CNTLN: variants seen among roughly 807,000 people sequenced by gnomAD.
CNTLN encodes the protein centlein, also known as centlein, centrosomal protein.
Under a neutral mutation model 180.0 loss-of-function variants are expected in CNTLN, and 212 were observed. That is an observed-to-expected ratio of 1.18 (90% confidence interval 1.05 to 1.32). The LOEUF (loss-of-function observed/expected upper bound fraction) is 1.32. Ranked by LOEUF, CNTLN falls within the 40% of genes most tolerant of loss-of-function variation. The probability of loss-of-function intolerance (pLI) is 0.00; values close to 1 mark genes in which losing one functional copy is unlikely to be tolerated. For missense variants in CNTLN, 2,095 were observed against 1,610.9 expected (o/e 1.30, Z -5.14); for synonymous variants, 722 against 563.1 (o/e 1.28, Z -3.99).
chr9:17,403,692 A>G (rs1456763355), intron 15 of CNTLN, among the ~76,000 whole-genome samples: 3 of 151,672 alleles, frequency 2.0e-5, no homozygotes, highest in Admixed American at 6.6e-5. Context: ...CACTTGCTCA[A>G]TCTTGATCTC....
intron 22 of CNTLN, 32 bp downstream of exon 22, chr9:17,466,150 A>G: frequency 6.4e-7 from 1 of 1,559,166 alleles, no homozygotes; most frequent in Non-Finnish European, 8.8e-7. Flanking sequence ...TTTAGATTAC[A>G]GATGGAATAT....
At chr9:17,303,362 G>A (rs1041241150) in intron 7 of CNTLN, among the ~76,000 whole-genome samples, 3 of 152,140 alleles carry the variant, frequency 2.0e-5, no homozygotes, top group African/African-American at 7.2e-5. Context: ...TAAGTTAAAT[G>A]TTATTCAGAA....
At chr9:17,312,364 T>TATATATATTA (rs369729227) in intron 8 of CNTLN, among the ~76,000 whole-genome samples, 3 of 20,186 alleles carry the variant, frequency 1.5e-4, no homozygotes, top group East Asian at 1.4e-3. Flanking sequence ...TATATATATA[T>TATATATATTA]TATATATATA....
chr9:17,381,161 A>C (rs927782496), intron 13 of CNTLN, among the ~76,000 whole-genome samples: 6 of 152,244 alleles, frequency 3.9e-5, no homozygotes, highest in Non-Finnish European at 5.9e-5. Flanking sequence ...AGCAACAGGC[A>C]TGACAGCCAA....
At chr9:17,291,421 T>C (rs1044210408) in intron 6 of CNTLN, among the ~76,000 whole-genome samples, 1 of 152,176 alleles carries the variant, frequency 6.6e-6, no homozygotes, top group Non-Finnish European at 1.5e-5. Context: ...AGTCTCCCAC[T>C]ATTATTGTGT....
At chr9:17,203,946 C>A (rs1177284068) in intron 2 of CNTLN, among the ~76,000 whole-genome samples, 2 of 152,190 alleles carry the variant, frequency 1.3e-5, no homozygotes, top group African/African-American at 4.8e-5. Context: ...TCCACCTGAT[C>A]GATTTGGCTA....
At chr9:17,181,336 G>C (rs1821113481) in intron 2 of CNTLN, among the ~76,000 whole-genome samples, 1 of 152,168 alleles carries the variant, frequency 6.6e-6, no homozygotes, top group Admixed American at 6.5e-5. Context: ...GTTGGGTTTT[G>C]TACTTTTCAG....
chr9:17,279,945 T>C (rs80304922), intron 6 of CNTLN, among the ~76,000 whole-genome samples: 2,813 of 152,256 alleles, frequency 0.018, 89 homozygotes, highest in African/African-American at 0.064. Context: ...AAGAGAGACC[T>C]GAGCTAGTAT....
At chr9:17,461,988 A>G (rs1177220917) in intron 19 of CNTLN, among the ~76,000 whole-genome samples, 1 of 151,832 alleles carries the variant, frequency 6.6e-6, no homozygotes, top group African/African-American at 2.4e-5. Flanking sequence ...TTTGCTTTGA[A>G]AAACTAATAA....
intron 2 of CNTLN, among the ~76,000 whole-genome samples, chr9:17,155,435 C>T (rs1175822392): frequency 6.6e-6 from 1 of 152,200 alleles, no homozygotes; most frequent in Non-Finnish European, 1.5e-5. Flanking sequence ...CTGACTGGGG[C>T]TGCTGCCTTT....
At position 17,298,358 on chromosome 9, in the gene CNTLN, C is replaced by G. The variant is rs1467457402; in HGVS notation, c.1146+6C>G. The G allele has an allele frequency of 1.2e-6, 2 of 1,604,000 alleles. No homozygotes were observed. Among genetic ancestry groups the G allele is most frequent in the Admixed American group, 1.7e-5 (1 of 57,786 alleles). The stretch of plus-strand genomic sequence containing the variant: ...AAAGTATATCATATCAAAAAGTATG[C>G]TTTTATTCTGTAATAAAGATGTAAA... On this transcript the variant is annotated splice_donor_region_variant and intron_variant, in intron 7 of 25. Transcript: ENST00000380647.
intron 5 of CNTLN, among the ~76,000 whole-genome samples, chr9:17,245,215 G>A (rs555135976): frequency 1.3e-5 from 2 of 151,624 alleles, no homozygotes; most frequent in South Asian, 4.1e-4. Context: ...ATTTTTTTTA[G>A]CGTTCCTTGT....
At chr9:17,372,899 C>T (rs1824447100) in intron 13 of CNTLN, among the ~76,000 whole-genome samples, 1 of 152,108 alleles carries the variant, frequency 6.6e-6, no homozygotes, top group Non-Finnish European at 1.5e-5. Context: ...TTACTTAGTC[C>T]TGAAAAAGCA....
chr9:17,336,676 A>T (rs1479965778), intron 10 of CNTLN, among the ~76,000 whole-genome samples: 1 of 152,240 alleles, frequency 6.6e-6, no homozygotes, highest in African/African-American at 2.4e-5. Flanking sequence ...TAAGCAAGTA[A>T]AATTAAAGCA....
chr9:17,153,094 G>C (rs1042745540), intron 2 of CNTLN, among the ~76,000 whole-genome samples: 1 of 152,126 alleles, frequency 6.6e-6, no homozygotes, highest in Admixed American at 6.5e-5. Context: ...ACACTGATGG[G>C]TCTTGACTCT....
intron 13 of CNTLN, among the ~76,000 whole-genome samples, chr9:17,382,372 C>T (rs1339936225): frequency 1.8e-4 from 28 of 152,136 alleles, no homozygotes; most frequent in Admixed American, 6.5e-5. Context: ...ATCACCAAAA[C>T]AATCAAGCCT....
In CNTLN at chr9:17,310,290, A is replaced by G. The variant is rs575607130; in HGVS notation, c.1341+1038A>G. Among the ~76,000 whole-genome samples the G allele has an allele frequency of 7.2e-5, 11 of 152,238 alleles. No individual in the cohort carries two copies. The South Asian group carries it at 2.1e-3, about 29-fold the overall frequency. On this transcript the variant is annotated intron_variant, in intron 8 of 25. Transcript: ENST00000380647. ...TTTTATCATATACAAATTTATGAGG[A>G]AACAGTTTATTGTTTAGTCATTCAA...
intron 12 of CNTLN, among the ~76,000 whole-genome samples, chr9:17,354,497 C>G (rs1239731181): frequency 2.0e-5 from 3 of 152,268 alleles, no homozygotes; most frequent in African/African-American, 4.8e-5. Context: ...TTTGTAAACA[C>G]ACCACTCAGC....
intron 13 of CNTLN, among the ~76,000 whole-genome samples, chr9:17,379,163 A>T (rs1023778): frequency 4.0e-5 from 6 of 151,674 alleles, no homozygotes; most frequent in Admixed American, 2.6e-4. Flanking sequence ...AGCGTGCCCC[A>T]CTTTTTTCCC....
Sources: gnomAD v4.1 joint callset for allele counts (sites outside exome capture counted in the v4.1 genomes callset) on GRCh38, gnomAD v4.1.1 for gene constraint, MANE v1.5 for transcripts, NCBI Gene and HGNC (gene_info 2026-07-23, HGNC 2026-07-21) for gene names.